Variants in DIAPH1 observed in about 807,000 individuals in gnomAD.
DIAPH1 encodes the protein diaphanous related formin 1.
In DIAPH1, 46 loss-of-function variants were observed where a neutral mutation model predicts 140.7. That is an observed-to-expected ratio of 0.33 (90% CI 0.26 to 0.42). The LOEUF (loss-of-function observed/expected upper bound fraction) is 0.42, where lower values mean the gene tolerates loss of function less well. Among genes scored for constraint, DIAPH1 ranks in the 10% least tolerant of loss-of-function variants. The probability of loss-of-function intolerance (pLI) is 1.00; values close to 1 mark genes in which losing one functional copy is unlikely to be tolerated. For synonymous variants in DIAPH1, 565 were observed against 551.6 expected, an observed-to-expected ratio of 1.02 and a Z score of -0.34; for missense variants, 1,310 against 1,558.7, an observed-to-expected ratio of 0.84 and a Z score of 2.69.
intron 1 of DIAPH1, among the ~76,000 whole-genome samples, chr5:141,605,353 G>A (rs1020045573): frequency 1.3e-5 from 2 of 151,896 alleles, no homozygotes; most frequent in African/African-American, 4.8e-5. Flanking sequence ...TACAAAGACT[G>A]TAAAATAAAA....
intron 1 of DIAPH1, among the ~76,000 whole-genome samples, chr5:141,615,124 A>C (rs1031170408): frequency 1.3e-5 from 2 of 152,178 alleles, no homozygotes; most frequent in African/African-American, 4.8e-5. Flanking sequence ...TAATTTTAAT[A>C]ATTTTAATAA....
chr5:141,593,824 CTTTTT>C, intron 1 of DIAPH1, among the ~76,000 whole-genome samples: 1 of 152,196 alleles, frequency 6.6e-6, no homozygotes, highest in Middle Eastern at 3.4e-3. Context: ...ACTTTCTTTT[CTTTTT>C]TTCTTTTTGA....
chr5:141,525,917 G>A, intron 26 of DIAPH1, 121 bp downstream of exon 26: 1 of 1,512,202 alleles, frequency 6.6e-7, no homozygotes, highest in African/African-American at 1.4e-5. Context: ...TCGGAGTGAA[G>A]ACTGCCAAAA....
intron 23 of DIAPH1, 22 bp from the exon 24 acceptor site, chr5:141,527,719 A>AAC: frequency 1.3e-6 from 2 of 1,553,214 alleles, no homozygotes; most frequent in Non-Finnish European, 8.7e-7. Context: ...AAAAAAAAAA[A>AAC]AAACCATAAA....
intron 1 of DIAPH1, among the ~76,000 whole-genome samples, chr5:141,617,806 G>A (rs1161971789): frequency 6.6e-6 from 1 of 152,164 alleles, no homozygotes; most frequent in African/African-American, 2.4e-5. Flanking sequence ...AATGAAATAT[G>A]ATAGGGTTAC....
intron 16 of DIAPH1, among the ~76,000 whole-genome samples, 177 bp downstream of exon 16, chr5:141,573,315 G>A (rs1239048443): frequency 3.3e-5 from 5 of 151,672 alleles, no homozygotes; most frequent in African/African-American, 1.2e-4. Flanking sequence ...CGCGCCTATA[G>A]TCCCAGCTAC....
intron 18 of DIAPH1, among the ~76,000 whole-genome samples, chr5:141,562,176 G>T (rs769433410): frequency 2.6e-5 from 4 of 151,512 alleles, no homozygotes; most frequent in Non-Finnish European, 5.9e-5. Flanking sequence ...ATGTATACAT[G>T]CTAAGATGCA....
At chr5:141,555,157 G>A (rs1240314535) in intron 18 of DIAPH1, among the ~76,000 whole-genome samples, 1 of 152,144 alleles carries the variant, frequency 6.6e-6, no homozygotes, top group Non-Finnish European at 1.5e-5. Context: ...CCATGTAAAT[G>A]CTATATATAC....
Position 141,583,468 on chromosome 5 carries a change from C to G in DIAPH1, c.533+17G>C, listed in dbSNP as rs753758084. 6.2e-7 allele frequency: 1 copy of G among 1,614,200 alleles called. No individual in the cohort carries two copies. ...AACATTTGGCTCCTACTCCTGTTAC[C>G]TCCTCAGAATCCTCACCTGACAGGG... On this transcript the variant is annotated intron_variant, in intron 5 of 27. Transcript: ENST00000389054.
chr5:141,583,554 C>T lies in DIAPH1; in HGVS notation c.464G>A (p.Gly155Asp). The T allele has an allele frequency of 1.2e-6, 2 of 1,614,206 alleles. No individual in the cohort carries two copies. The highest frequency in any genetic ancestry group is 8.5e-7 in the Non-Finnish European group (1 of 1,180,036). Residue 155 changes from glycine to aspartate, a missense_variant, in exon 5 of 28, where the codon GGC becomes GAC. Gly to Asp is a moderately conservative substitution (Grantham distance 94, BLOSUM62 -1). Around this residue, in one of 3 missense-constraint regions of DIAPH1, gnomAD observed 377 missense variants for 497.1 expected, o/e 0.76. Transcript: ENST00000389054. ...GCTGAGCAGAGGCATATCCCGCAAG[C>T]CTGACCTCAACTCCTGAATATACAT... ...AMMYIQELRSGLRDMPLLSCL... is the reference protein window; with the variant it reads ...AMMYIQELRSDLRDMPLLSCL...
At chr5:141,578,683 AT>A (rs2099896306) in intron 9 of DIAPH1, 58 bp from the exon 10 acceptor site, 1 of 1,351,618 alleles carries the variant, frequency 7.4e-7, no homozygotes, top group Admixed American at 1.7e-5. Context: ...TCAAGAATCC[AT>A]TTTCTTTACA....
intron 7 of DIAPH1, 67 bp downstream of exon 7, chr5:141,582,245 T>C (rs984414934): frequency 1.3e-5 from 16 of 1,189,436 alleles, no homozygotes; most frequent in Non-Finnish European, 1.8e-5. Flanking sequence ...CCTCTTTTGG[T>C]TTGCCAATAG....
At position 141,537,483 on chromosome 5, in the gene DIAPH1, CAAAAAAAAAAAA is replaced by C. The variant is rs34323841; in HGVS notation, c.2483-3062_2483-3051del. ...GGGCAAAAAGAGCAAAACTCCGTCT[CAAAAAAAAAAAA>C]AAAAAAAAAAAAAAGGGATGAAAAT... On this transcript the variant is annotated intron_variant, in intron 18 of 27. Transcript: ENST00000389054. Among the ~76,000 whole-genome samples the C allele has an allele frequency of 3.5e-4, 13 of 36,950 alleles. 1 individual carries two copies. Among genetic ancestry groups the C allele is most frequent in the South Asian group, 1.7e-3 (1 of 598 alleles). The allele number at this position is 36,950 out of a possible 152,430, so 24.2% of individuals were successfully genotyped here. A position where few individuals can be genotyped will look rare whatever the true frequency, so the allele number is the denominator to read the frequency against.
rs183981007 is a variant in DIAPH1, at chr5:141,580,950, C to T, written c.685-67G>A. The T allele has an allele frequency of 2.6e-5, 41 of 1,604,098 alleles. No homozygotes were observed. The East Asian group carries it at 6.0e-4, about 24-fold the overall frequency. On this transcript the variant is annotated intron_variant, in intron 7 of 27. Transcript: ENST00000389054. ...AGCATCTAACTGGGGGACAAGTTTA[C>T]GGGTTGTTATGGGTTGAATGGTGTC...
At chr5:141,586,309 C>T (rs1001539893) in intron 3 of DIAPH1, among the ~76,000 whole-genome samples, 1 of 152,200 alleles carries the variant, frequency 6.6e-6, no homozygotes, top group African/African-American at 2.4e-5. Context: ...CAGTTGAGTG[C>T]TTACTATGTA....
chr5:141,576,212 T>C lies in DIAPH1; in HGVS notation c.1461+18A>G, dbSNP rs1033883255. On this transcript the variant is annotated intron_variant, in intron 14 of 27. Coordinates refer to ENST00000389054, the MANE Select transcript of DIAPH1 (RefSeq NM_005219.5). ...GAAAGATATACTCAAACACATGTCT[T>C]TGGTCTCTCATATGCACCTTCTTTT... 9 of 1,579,460 alleles carry C rather than the reference T, an allele frequency of 5.7e-6. No individual in the cohort carries two copies. The Admixed American group carries it at 1.0e-4, about 18-fold the overall frequency.
rs1377191583 is a variant in DIAPH1 at position 141,516,831 on chromosome 5, C to T, written c.*20G>A. The T allele has an allele frequency of 2.5e-6, 4 of 1,613,450 alleles. No homozygotes were observed. The highest frequency in any genetic ancestry group is 3.4e-6 in the Non-Finnish European group (4 of 1,179,988). ...AGTCTGCGGCTCCGCTGAGGAGCTG[C>T]CGCGGTCACAGGACCCACATTAGCT... is the stretch of plus-strand genomic sequence containing the variant. On this transcript the variant is annotated 3_prime_UTR_variant, in exon 28 of 28. Coordinates refer to ENST00000389054, the MANE Select transcript of DIAPH1 (RefSeq NM_005219.5).
chr5:141,538,509 T>C lies in DIAPH1; in HGVS notation c.2483-4076A>G, dbSNP rs567546714. On this transcript the variant is annotated intron_variant, in intron 18 of 27. Transcript: ENST00000389054. ...CTGGGATTATAGGTACCCACCACCA[T>C]GCAACCTCCGCCTCCTGGGTTCAGG... Among the ~76,000 whole-genome samples, 123 of 152,254 alleles carry C rather than the reference T, an allele frequency of 8.1e-4. 2 individuals are homozygous for C. Among genetic ancestry groups the C allele is most frequent in the African/African-American group, 2.8e-3 (118 of 41,544 alleles).
At position 141,528,783 on chromosome 5, in the gene DIAPH1, A is replaced by C. The variant is rs758767237; in HGVS notation, c.2937T>G (p.Ile979Met). ...TCATGTAATTTCCAACAAGCAAGGT[A>C]ATCTCTAGGAGATTGGAAAAGCTCT... ...KSESFSNLLEITLLVGNYMNA... is the reference protein window; with the variant it reads ...KSESFSNLLEMTLLVGNYMNA... Residue 979 changes from isoleucine (I) to methionine (M), a missense_variant, in exon 22 of 28, where the codon ATT becomes ATG. Coordinates refer to ENST00000389054, the MANE Select transcript of DIAPH1 (RefSeq NM_005219.5). The C allele has an allele frequency of 1.2e-6, 2 of 1,614,246 alleles. No individual in the cohort carries two copies. Among genetic ancestry groups the C allele is most frequent in the Non-Finnish European group, 1.7e-6 (2 of 1,180,042 alleles).
Sources: gnomAD v4.1 joint callset for allele counts (sites outside exome capture counted in the v4.1 genomes callset) on GRCh38, gnomAD v4.1.1 for gene constraint, gnomAD v4.1.1 regional missense constraint, MANE v1.5 for transcripts, NCBI Gene and HGNC (gene_info 2026-07-23, HGNC 2026-07-21) for gene names.